The following COL16A1 variants were observed in gnomAD, a reference collection of about 807,000 sequenced individuals.
COL16A1 encodes collagen type XVI alpha 1 chain, also known as collagen alpha-1(XVI) chain.
In COL16A1, 189 loss-of-function variants were observed where a neutral mutation model predicts 266.3. That is an observed-to-expected ratio of 0.71 (90% CI 0.63 to 0.80). The LOEUF (loss-of-function observed/expected upper bound fraction) is 0.80, where lower values mean the gene tolerates loss of function less well. Among genes scored for constraint, COL16A1 ranks in the 30% least tolerant of loss-of-function variants. The pLI is 0.00. For missense variants in COL16A1, 1,928 were observed against 2,122.4 expected (o/e 0.91, Z 1.80); for synonymous variants, 740 against 782.3 (o/e 0.95, Z 0.90).
Position 31,698,643 on chromosome 1 carries a change from A to G in COL16A1, c.267-37T>C, listed in dbSNP as rs1385463704. 8.7e-6 allele frequency: 14 copies of G among 1,609,176 alleles called. No individual in the cohort carries two copies. In the East Asian group the frequency reaches 1.1e-4, roughly 13 times the overall value. Reference sequence around the variant, plus strand: ...GCAGGGAGGGTGCCCTGAGGCTCCAATGAGGACCCAAATGCTGCCCACCCT... The same window carrying G: ...GCAGGGAGGGTGCCCTGAGGCTCCAGTGAGGACCCAAATGCTGCCCACCCT... On this transcript the variant is annotated intron_variant, in intron 4 of 70. Coordinates refer to ENST00000373672, the MANE Select transcript of COL16A1 (RefSeq NM_001856.4). This position sits in a 1 kb window ranked among gnomAD's most constrained non-coding sequence, Gnocchi z 4.1.
rs564253032 is a variant in COL16A1 at position 31,672,713 on chromosome 1, C to A, written c.2976+11G>T. Reference sequence around the variant, plus strand: ...CTCCTGCATAGGGCAGCCCCAAGCCCAGTCCCTTACCTGGGCGCAGTTGTC... The same window carrying A: ...CTCCTGCATAGGGCAGCCCCAAGCCAAGTCCCTTACCTGGGCGCAGTTGTC... On this transcript the variant is annotated intron_variant, in intron 45 of 70. Transcript: ENST00000373672. 1 of 1,613,316 alleles carries A rather than the reference C, an allele frequency of 6.2e-7. No individual in the cohort carries two copies. The highest frequency in any genetic ancestry group is 1.3e-5 in the African/African-American group (1 of 74,934).
chr1:31,672,365 GCAGACAGGGCCC>G (rs1642795083), intron 47 of COL16A1, 39 bp downstream of exon 47: 2 of 1,606,884 alleles, frequency 1.2e-6, no homozygotes, highest in East Asian at 4.5e-5. Flanking sequence ...GGTCTCAAAG[GCAGACAGGGCCC>G]CAGCTCCCTT....
chr1:31,691,984 G>T lies in COL16A1; in HGVS notation c.1257+21C>A, dbSNP rs1425155013. 2.5e-6 allele frequency: 4 copies of T among 1,613,488 alleles called. No individual in the cohort carries two copies. The Admixed American group carries it at 6.7e-5, about 27-fold the overall frequency. On this transcript the variant is annotated intron_variant, in intron 17 of 70. Transcript: ENST00000373672. ...GACCCCGTGCTGTGGGTTGTGGTGG[G>T]GAAGGGTCCCAGGCACCTACGTCCC...
chr1:31,668,667 G>T lies in COL16A1; in HGVS notation c.3249+135C>A, dbSNP rs542375545. The T allele has an allele frequency of 2.1e-6, 2 of 967,834 alleles. No individual in the cohort carries two copies. Among genetic ancestry groups the T allele is most frequent in the African/African-American group, 1.6e-5 (1 of 61,922 alleles). 60.0% of individuals were successfully genotyped at this position (967,834 alleles called of 1,614,324 possible). On this transcript the variant is annotated intron_variant, in intron 50 of 70. Coordinates refer to ENST00000373672, the MANE Select transcript of COL16A1 (RefSeq NM_001856.4). The surrounding 1 kb of genome is among the most constrained non-coding windows in gnomAD (Gnocchi z 5.8). ...GGAAACCTCACACTGAGGGAATCCC[G>T]GCAGAAGGGCAGAGAGTCTCAAGGA...
At chr1:31,684,428 C>T (rs1451814463) in intron 31 of COL16A1, 95 bp downstream of exon 31, 1 of 1,535,068 alleles carries the variant, frequency 6.5e-7, no homozygotes, top group South Asian at 1.3e-5. Context: ...GCCGTTAAGG[C>T]CCCAGCTGGC....
chr1:31,703,603 G>A (rs111924346), intron 1 of COL16A1, among the ~76,000 whole-genome samples: 1 of 152,174 alleles, frequency 6.6e-6, no homozygotes, highest in Non-Finnish European at 1.5e-5. Context: ...CAGAGTGCAG[G>A]GCTGCAAGGA....
rs748387683 is a variant in COL16A1 at position 31,665,919 on chromosome 1, C to T, written c.3419G>A (p.Arg1140Gln). ...PPGPAGPRGERGPQGNSGEKG... is the reference protein window; with the variant it reads ...PPGPAGPRGEQGPQGNSGEKG... The stretch of plus-strand genomic sequence containing the variant: ...CTCACCGGAGTTACCTTGGGGTCCT[C>T]GCTCTCCTCTGGGACCCTGTCACCC... Residue 1140 changes from arginine to glutamine, a missense_variant, in exon 54 of 71, where the codon CGA becomes CAA. Transcript: ENST00000373672. 2.7e-5 allele frequency: 44 copies of T among 1,614,022 alleles called. No individual in the cohort carries two copies. Among genetic ancestry groups the T allele is most frequent in the Non-Finnish European group, 3.7e-5 (44 of 1,180,024 alleles).
At chr1:31,680,180 G>A in intron 39 of COL16A1, 79 bp from the exon 40 acceptor site, 1 of 1,545,648 alleles carries the variant, frequency 6.5e-7, no homozygotes, top group Non-Finnish European at 8.8e-7. Flanking sequence ...AGGCACGTGG[G>A]CTCTAGAGAT....
rs773315636 is a variant in COL16A1, at chr1:31,683,189, C to G, written c.2469+5G>C. 4.3e-6 allele frequency: 7 copies of G among 1,614,138 alleles called. No homozygotes were observed. Among genetic ancestry groups the G allele is most frequent in the Non-Finnish European group, 5.1e-6 (6 of 1,180,010 alleles). ...GGCCCAATACCCATGGAGGCAGAGG[C>G]TCACCTGGGCACCCTTCTCTCCAGT... On this transcript the variant is annotated splice_donor_5th_base_variant and intron_variant, in intron 36 of 70. Transcript: ENST00000373672.
rs754687750 is a variant in COL16A1, at chr1:31,690,522, C to A, written c.1482+7G>T. On this transcript the variant is annotated splice_region_variant and intron_variant, in intron 21 of 70. Transcript: ENST00000373672. Reference sequence around the variant, plus strand: ...CGACCCTCCCCCGCTGGATTGGTGTCACTCACAGGTTTCCCACCAGGGCCT... The same window carrying A: ...CGACCCTCCCCCGCTGGATTGGTGTAACTCACAGGTTTCCCACCAGGGCCT... The A allele has an allele frequency of 1.9e-6, 3 of 1,614,032 alleles. No homozygotes were observed. The Admixed American group carries it at 5.0e-5, about 27-fold the overall frequency.
rs1041314548 is a variant in COL16A1, at chr1:31,679,943, G to A, written c.2671-92C>T. 5 of 1,559,822 alleles carry A rather than the reference G, an allele frequency of 3.2e-6. No individual in the cohort carries two copies. The South Asian group carries it at 4.7e-5, about 15-fold the overall frequency. ...GCTGCGTGGGGAGGCGGCTGGCTGG[G>A]GTGCGTGGCCCTGCGGGGCCTTTGC... On this transcript the variant is annotated intron_variant, in intron 40 of 70. Coordinates refer to ENST00000373672, the MANE Select transcript of COL16A1 (RefSeq NM_001856.4).
intron 55 of COL16A1, 32 bp from the exon 56 acceptor site, chr1:31,665,266 A>C: frequency 6.3e-7 from 1 of 1,582,386 alleles, no homozygotes; most frequent in Non-Finnish European, 8.5e-7. Flanking sequence ...CAGGAATGAA[A>C]GTGGGGCTGG....
At position 31,689,768 on chromosome 1, in the gene COL16A1, C is replaced by T; in HGVS notation, c.1593G>A (p.Gly531=). ...TGGCTGGTACAGGATCACCAGGCTC[C>T]CCTTTGGGCCCTGGCTTTCCAGGAA... ...VGLPGKPGPK[G]EPGDPVPARG... The change falls in exon 23 of 71, where the codon GGG becomes GGA. Residue 531 remains glycine (G), a synonymous_variant. Transcript: ENST00000373672. The T allele has an allele frequency of 6.2e-7, 1 of 1,614,134 alleles. No individual in the cohort carries two copies. Among genetic ancestry groups the T allele is most frequent in the South Asian group, 1.1e-5 (1 of 91,082 alleles).
At position 31,652,608 on chromosome 1, in the gene COL16A1, T is replaced by G. The variant is rs1233161051; in HGVS notation, c.*43A>C. Reference sequence around the variant, plus strand: ...ACAGAGTCCTATAAGCTTTGGCCATTTATTCCCAACGGAGTCTTTCATCCA... The same window carrying G: ...ACAGAGTCCTATAAGCTTTGGCCATGTATTCCCAACGGAGTCTTTCATCCA... On this transcript the variant is annotated 3_prime_UTR_variant, in exon 71 of 71. Coordinates refer to ENST00000373672, the MANE Select transcript of COL16A1 (RefSeq NM_001856.4). This position sits in a 1 kb window ranked among gnomAD's most constrained non-coding sequence, Gnocchi z 4.8. The G allele has an allele frequency of 6.6e-7, 1 of 1,509,308 alleles. No individual in the cohort carries two copies. Among genetic ancestry groups the G allele is most frequent in the Non-Finnish European group, 8.8e-7 (1 of 1,131,036 alleles). The allele number at this position is 1,509,308 out of a possible 1,614,324, so 93.5% of individuals were successfully genotyped here.
At chr1:31,667,175 G>C (rs1570402885) in intron 52 of COL16A1, among the ~76,000 whole-genome samples, 7 of 152,260 alleles carry the variant, frequency 4.6e-5, no homozygotes, top group Admixed American at 3.9e-4. Context: ...AGCTTCAGGA[G>C]CCTGGGTGAG....
intron 62 of COL16A1, 73 bp from the exon 63 acceptor site, chr1:31,659,037 A>G: frequency 7.5e-7 from 1 of 1,325,776 alleles, no homozygotes; most frequent in Non-Finnish European, 1.1e-6. Context: ...AGGGCCTGAC[A>G]GCAGAAACAA....
chr1:31,701,993 C>A, intron 2 of COL16A1, 128 bp downstream of exon 2: 2 of 1,446,164 alleles, frequency 1.4e-6, no homozygotes, highest in East Asian at 2.4e-5. Flanking sequence ...ACCCTGAGCC[C>A]AGCCCCTAGA....
In COL16A1 at chr1:31,683,738, C is replaced by T. The variant is rs1432108754; in HGVS notation, c.2348G>A (p.Gly783Glu). ...TCCCTGGACTCCCCTTCCTGGAGGCCCTGGCTCTCCCTGAAGAGGCAGAAG... is the reference window on the plus strand; with the variant it reads ...TCCCTGGACTCCCCTTCCTGGAGGCTCTGGCTCTCCCTGAAGAGGCAGAAG... ...PGLKGVQGEP[G>E]PPGRGVQGPQ... Residue 783 changes from glycine (G) to glutamate (E), a missense_variant, in exon 34 of 71, where the codon GGG becomes GAG. Physicochemically the swap from Gly to Glu is moderately conservative, Grantham distance 98. Coordinates refer to ENST00000373672, the MANE Select transcript of COL16A1 (RefSeq NM_001856.4). 3 of 1,614,116 alleles carry T rather than the reference C, an allele frequency of 1.9e-6. No individual in the cohort carries two copies. The highest frequency in any genetic ancestry group is 3.3e-5 in the Admixed American group (2 of 60,020).
At position 31,686,105 on chromosome 1, in the gene COL16A1, T is replaced by C; in HGVS notation, c.1870A>G (p.Ile624Val). ...CCCAGACTCACCTTCGCCCCTTTGATGCCTGCTGGCCCCACTGGTCCTGGT... is the reference window on the plus strand; with the variant it reads ...CCCAGACTCACCTTCGCCCCTTTGACGCCTGCTGGCCCCACTGGTCCTGGT... ...GPPGPVGPAG[I>V]KGAKGEPCEP... The change falls in exon 28 of 71, where the codon ATC (isoleucine) becomes GTC (valine). Residue 624 changes from isoleucine to valine, a missense_variant. Ile to Val is a conservative substitution (Grantham distance 29, BLOSUM62 3). This residue lies in a region of COL16A1 where 1,552 missense variants were observed against 1,637.2 expected (regional missense o/e 0.95). Transcript: ENST00000373672. 2 of 1,614,104 alleles carry C rather than the reference T, an allele frequency of 1.2e-6. No homozygotes were observed. Among genetic ancestry groups the C allele is most frequent in the East Asian group, 2.2e-5 (1 of 44,882 alleles).
Sources: gnomAD v4.1 joint callset for allele counts (sites outside exome capture counted in the v4.1 genomes callset) on GRCh38, gnomAD v4.1.1 for gene constraint, gnomAD v4.1.1 regional missense constraint, Gnocchi (gnomAD v3.1) non-coding constraint, MANE v1.5 for transcripts, NCBI Gene and HGNC (gene_info 2026-07-23, HGNC 2026-07-21) for gene names.